PCDH15: variants seen among roughly 807,000 people sequenced by gnomAD.
The protein encoded by PCDH15 is protocadherin-15.
In PCDH15, 129 loss-of-function variants were observed where a neutral mutation model predicts 178.5. The ratio of observed to expected loss-of-function variants is 0.72; its 90% CI spans 0.63 to 0.84. The LOEUF is 0.84. Ranked by LOEUF, PCDH15 falls within the 40% of genes least tolerant of loss-of-function variation. PCDH15 has a pLI of 0.00. For missense variants in PCDH15, 2,230 were observed against 2,099.9 expected, an observed-to-expected ratio of 1.06 and a Z score of -1.21; for synonymous variants, 800 against 732.0, an observed-to-expected ratio of 1.09 and a Z score of -1.50.
chr10:55,133,319 A>C (rs572196059), intron 2 of PCDH15, among the ~76,000 whole-genome samples: 56 of 152,218 alleles, frequency 3.7e-4, no homozygotes, highest in African/African-American at 1.3e-3. Flanking sequence ...CTTTTGACAT[A>C]GCCAAACACT....
intron 25 of PCDH15, among the ~76,000 whole-genome samples, chr10:53,919,662 A>C (rs1047965286): frequency 6.6e-6 from 1 of 152,168 alleles, no homozygotes; most frequent in African/African-American, 2.4e-5. Context: ...AGATGTAACT[A>C]TTTCACTTTA....
At chr10:54,587,935 T>C (rs1036626585) in intron 2 of PCDH15, among the ~76,000 whole-genome samples, 2 of 152,220 alleles carry the variant, frequency 1.3e-5, no homozygotes, top group African/African-American at 4.8e-5. Context: ...GTTAAATGAA[T>C]ATGTTTTATA....
At chr10:54,314,633 C>T (rs1389526905) in intron 8 of PCDH15, among the ~76,000 whole-genome samples, 1 of 152,032 alleles carries the variant, frequency 6.6e-6, no homozygotes, top group Non-Finnish European at 1.5e-5. Context: ...TTGCGTCACC[C>T]AGTTAGTAAG....
At chr10:54,197,430 A>G (rs1322207998) in intron 10 of PCDH15, among the ~76,000 whole-genome samples, 1 of 152,194 alleles carries the variant, frequency 6.6e-6, no homozygotes, top group African/African-American at 2.4e-5. Context: ...AAACATGGAT[A>G]TAATTTAATA....
intron 2 of PCDH15, among the ~76,000 whole-genome samples, chr10:54,999,159 GTT>G (rs1839728623): frequency 6.6e-6 from 1 of 151,874 alleles, no homozygotes; most frequent in Admixed American, 6.6e-5. Flanking sequence ...CATTTGTTCT[GTT>G]TATCAAAAGT....
At chr10:54,419,227 C>CAT (rs1954882937) in intron 3 of PCDH15, among the ~76,000 whole-genome samples, 1 of 121,270 alleles carries the variant, frequency 8.2e-6, no homozygotes, top group Non-Finnish European at 1.8e-5. Flanking sequence ...TCCACATATA[C>CAT]ATATACATAT....
intron 1 of PCDH15, among the ~76,000 whole-genome samples, chr10:55,166,898 A>C (rs1839209803): frequency 6.6e-6 from 1 of 152,164 alleles, no homozygotes; most frequent in East Asian, 1.9e-4. Flanking sequence ...TCTATGCCTC[A>C]GGTTATATTC....
chr10:54,186,558 C>G (rs1259933491), intron 11 of PCDH15, among the ~76,000 whole-genome samples: 1 of 151,944 alleles, frequency 6.6e-6, no homozygotes, highest in Non-Finnish European at 1.5e-5. Flanking sequence ...TTCATAATAT[C>G]TCATTCTGTA....
chr10:53,878,960 G>A (rs1340161162), intron 26 of PCDH15, among the ~76,000 whole-genome samples: 3 of 152,162 alleles, frequency 2.0e-5, no homozygotes, highest in African/African-American at 4.8e-5. Context: ...TAAGTTGGCT[G>A]TGAATATTCA....
At chr10:54,254,883 C>T (rs2056777746) in intron 8 of PCDH15, among the ~76,000 whole-genome samples, 1 of 150,582 alleles carries the variant, frequency 6.6e-6, no homozygotes, top group African/African-American at 2.4e-5. Flanking sequence ...ATCTGCTAAA[C>T]TTCTCAATTT....
intron 1 of PCDH15, among the ~76,000 whole-genome samples, chr10:54,698,943 G>T (rs2135921744): frequency 6.6e-6 from 1 of 152,194 alleles, no homozygotes; most frequent in South Asian, 2.1e-4. Flanking sequence ...AGGGTTCCTT[G>T]ACTTATATAA....
At position 55,146,953 on chromosome 10, in the gene PCDH15, C is replaced by CA. The variant is rs567056920; in HGVS notation, c.-80+19622dup. On this transcript the variant is annotated intron_variant, in intron 2 of 5. Transcript: ENST00000458638. ...CGGGGTGGGGGGAAGACCTGGAATG[C>CA]AAAACAAAGAAATAATCTATTTTAA... is the stretch of plus-strand genomic sequence containing the variant. Among the ~76,000 whole-genome samples, 641 of 151,278 alleles carry CA rather than the reference C, an allele frequency of 4.2e-3. 4 individuals carry two copies. Among genetic ancestry groups the CA allele is most frequent in the Non-Finnish European group, 7.0e-3 (475 of 67,676 alleles).
At chr10:54,724,519 G>A (rs886300315) in intron 1 of PCDH15, among the ~76,000 whole-genome samples, 4 of 150,854 alleles carry the variant, frequency 2.7e-5, no homozygotes, top group African/African-American at 4.9e-5. Flanking sequence ...ATATACCCCC[G>A]AATCTAAAAT....
chr10:55,046,296 A>G (rs1211482386), intron 2 of PCDH15, among the ~76,000 whole-genome samples: 1 of 152,030 alleles, frequency 6.6e-6, no homozygotes, highest in East Asian at 1.9e-4. Context: ...CCTCAGGCAT[A>G]TGAAAAACGA....
chr10:54,529,205 A>G (rs1432049835), intron 2 of PCDH15, among the ~76,000 whole-genome samples: 6 of 152,072 alleles, frequency 3.9e-5, no homozygotes, highest in Non-Finnish European at 8.8e-5. Flanking sequence ...GGAGATCTAC[A>G]CATTTTCTCT....
chr10:54,950,595 G>T (rs1267513469), intron 2 of PCDH15, among the ~76,000 whole-genome samples: 1 of 151,912 alleles, frequency 6.6e-6, no homozygotes, highest in Non-Finnish European at 1.5e-5. Flanking sequence ...TTTGTAAATT[G>T]CCCAGTCTTG....
chr10:54,087,277 C>G (rs1046252419), intron 16 of PCDH15, among the ~76,000 whole-genome samples: 14 of 152,224 alleles, frequency 9.2e-5, no homozygotes, highest in African/African-American at 3.1e-4. Context: ...ATTTTCAACA[C>G]CATATCTATT....
chr10:55,076,163 C>G (rs1489519760), intron 2 of PCDH15, among the ~76,000 whole-genome samples: 1 of 152,092 alleles, frequency 6.6e-6, no homozygotes, highest in East Asian at 1.9e-4. Context: ...ATGGCCTATT[C>G]TAGAGACTGT....
chr10:54,806,984 G>A (rs937941298), intron 3 of PCDH15, among the ~76,000 whole-genome samples: 2 of 152,152 alleles, frequency 1.3e-5, no homozygotes, highest in African/African-American at 4.8e-5. Flanking sequence ...TCGCAGGACT[G>A]ATATCCTATC....
Sources: gnomAD v4.1 joint callset for allele counts (sites outside exome capture counted in the v4.1 genomes callset) on GRCh38, gnomAD v4.1.1 for gene constraint, MANE v1.5 for transcripts, NCBI Gene and HGNC (gene_info 2026-07-23, HGNC 2026-07-21) for gene names.